RALYL: variants seen among roughly 807,000 people sequenced by gnomAD.
RALYL encodes RALY RNA binding protein like.
RALYL carries 29 observed loss-of-function variants against 35.1 expected under a neutral mutation model. The observed-to-expected ratio is 0.83, with a 90% CI of 0.61 to 1.13. The LOEUF is 1.13. Among genes scored for constraint, RALYL ranks in the 50% most tolerant of loss-of-function variants. The pLI is 0.00. For missense variants in RALYL, 359 were observed against 360.4 expected (o/e 1.00, Z 0.03); for synonymous variants, 120 against 127.6 (o/e 0.94, Z 0.40).
chr8:84,836,508 CTT>C (rs1174449973), intron 4 of RALYL, among the ~76,000 whole-genome samples: 1 of 152,138 alleles, frequency 6.6e-6, no homozygotes, highest in Non-Finnish European at 1.5e-5. Flanking sequence ...ATCAATGAAA[CTT>C]AGACTAAGTA....
At chr8:84,299,668 T>C (rs1586065952) in intron 1 of RALYL, among the ~76,000 whole-genome samples, 1 of 152,072 alleles carries the variant, frequency 6.6e-6, no homozygotes, top group Middle Eastern at 3.4e-3. Flanking sequence ...CTGATTAGAA[T>C]TTCAATTTCC....
chr8:84,561,424 C>T (rs1477080090), intron 2 of RALYL, among the ~76,000 whole-genome samples: 2 of 151,932 alleles, frequency 1.3e-5, no homozygotes. Flanking sequence ...CGGTAGTCCC[C>T]CCTATCTGTG....
At chr8:84,912,763 A>G (rs1282691829) in intron 8 of RALYL, among the ~76,000 whole-genome samples, 1 of 152,020 alleles carries the variant, frequency 6.6e-6, no homozygotes, top group African/African-American at 2.4e-5. Flanking sequence ...AAGGGGAATC[A>G]ATATTCTGTC....
intron 2 of RALYL, among the ~76,000 whole-genome samples, chr8:84,707,090 C>CAATAATT (rs1564408247): frequency 3.5e-4 from 53 of 152,112 alleles, no homozygotes; most frequent in African/African-American, 1.2e-3. Context: ...ATTTTTAGTG[C>CAATAATT]GATAATTTAT....
intron 2 of RALYL, among the ~76,000 whole-genome samples, chr8:84,597,573 G>A (rs183034443): frequency 2.3e-3 from 346 of 152,090 alleles, no homozygotes; most frequent in African/African-American, 5.1e-3. Flanking sequence ...CCCTAATGAT[G>A]TATCTAAAGT....
chr8:84,563,608 C>T (rs149707048), intron 2 of RALYL, among the ~76,000 whole-genome samples: 6 of 151,498 alleles, frequency 4.0e-5, no homozygotes, highest in East Asian at 2.0e-4. Context: ...TATAGCACAG[C>T]GAACCTAGAT....
chr8:84,397,260 A>G (rs574626926), intron 1 of RALYL, among the ~76,000 whole-genome samples: 2 of 152,322 alleles, frequency 1.3e-5, no homozygotes, highest in Non-Finnish European at 2.9e-5. Flanking sequence ...TTAGTCCTGT[A>G]AGACTCCTTT....
intron 1 of RALYL, among the ~76,000 whole-genome samples, chr8:84,431,166 C>A (rs542572809): frequency 7.9e-5 from 12 of 152,250 alleles, no homozygotes; most frequent in African/African-American, 2.9e-4. Context: ...CTTTAGCCCT[C>A]ACAACAGCCT....
chr8:84,750,201 G>A (rs1809621557), intron 2 of RALYL, among the ~76,000 whole-genome samples: 1 of 152,102 alleles, frequency 6.6e-6, no homozygotes, highest in African/African-American at 2.4e-5. Flanking sequence ...ACATAATCAG[G>A]ACCAGTTTCT....
rs562709956 is a variant in RALYL at position 84,680,484 on chromosome 8, A to G, written c.257-94095A>G. ...CCCACAACAGTTTAAAAGTGTTCCTATTTCTCCACATCCTCTCCAGCACCT... is the reference window on the plus strand; with the variant it reads ...CCCACAACAGTTTAAAAGTGTTCCTGTTTCTCCACATCCTCTCCAGCACCT... On this transcript the variant is annotated intron_variant, in intron 2 of 8. Transcript: ENST00000521268. Among the ~76,000 whole-genome samples the G allele has an allele frequency of 7.2e-5, 11 of 152,186 alleles. No individual in the cohort carries two copies. The East Asian group carries it at 2.1e-3, about 29-fold the overall frequency.
Position 84,371,503 on chromosome 8 carries a change from C to G in RALYL, c.-23-157796C>G, listed in dbSNP as rs1030646617. Among the ~76,000 whole-genome samples the G allele has an allele frequency of 2.0e-5, 3 of 149,908 alleles. No homozygotes were observed. In the Admixed American group the frequency reaches 2.0e-4, roughly 10 times the overall value. ...GAAATAATGTTTAACCTATGGAGCA[C>G]AAGTTTATTAAAAATAGGGAATAAA... is the stretch of plus-strand genomic sequence containing the variant. On this transcript the variant is annotated intron_variant, in intron 1 of 8. Coordinates refer to ENST00000521268, the MANE Select transcript of RALYL (RefSeq NM_173848.7).
chr8:84,322,747 T>C (rs1344010696), intron 1 of RALYL, among the ~76,000 whole-genome samples: 1 of 152,112 alleles, frequency 6.6e-6, no homozygotes, highest in Non-Finnish European at 1.5e-5. Context: ...TTTGCATTTT[T>C]CTCAGGTCCT....
At chr8:84,577,851 C>G (rs1196121220) in intron 2 of RALYL, among the ~76,000 whole-genome samples, 2 of 152,182 alleles carry the variant, frequency 1.3e-5, no homozygotes, top group Non-Finnish European at 2.9e-5. Flanking sequence ...CTAAGCCAAT[C>G]AAGATTTTGA....
At position 84,597,726 on chromosome 8, in the gene RALYL, G is replaced by GA. The variant is rs1236377449; in HGVS notation, c.256+68150dup. Among the ~76,000 whole-genome samples, 5 of 152,128 alleles carry GA rather than the reference G, an allele frequency of 3.3e-5. No homozygotes were observed. The East Asian group carries it at 9.7e-4, about 29-fold the overall frequency. ...ATAATATTTTGTGACACATCAAAAT[G>GA]ACAAGAAATTTAAATTTCAGTGTCC... On this transcript the variant is annotated intron_variant, in intron 2 of 8. Coordinates refer to ENST00000521268, the MANE Select transcript of RALYL (RefSeq NM_173848.7).
At chr8:84,806,100 A>G (rs1824534856) in intron 4 of RALYL, among the ~76,000 whole-genome samples, 1 of 152,196 alleles carries the variant, frequency 6.6e-6, no homozygotes, top group African/African-American at 2.4e-5. Flanking sequence ...ATGGTTCCCA[A>G]TTCCTTTCTA....
chr8:84,265,865 A>G (rs1200554858), intron 1 of RALYL, among the ~76,000 whole-genome samples: 2 of 152,150 alleles, frequency 1.3e-5, no homozygotes, highest in Non-Finnish European at 2.9e-5. Flanking sequence ...GAGATATTGC[A>G]ATATTTGAGT....
chr8:84,511,333 G>A (rs1018217455), intron 1 of RALYL, among the ~76,000 whole-genome samples: 2 of 152,166 alleles, frequency 1.3e-5, no homozygotes, highest in Non-Finnish European at 2.9e-5. Context: ...AATAGGTATA[G>A]AATTAAGTGA....
At chr8:84,826,406 C>G (rs1829719085) in intron 4 of RALYL, among the ~76,000 whole-genome samples, 1 of 151,638 alleles carries the variant, frequency 6.6e-6, no homozygotes, top group African/African-American at 2.4e-5. Context: ...TGCTGGGTAT[C>G]AGAAATAACA....
chr8:84,363,833 G>A (rs1264621185), intron 1 of RALYL, among the ~76,000 whole-genome samples: 3 of 152,084 alleles, frequency 2.0e-5, no homozygotes, highest in African/African-American at 4.8e-5. Flanking sequence ...TACACACCCC[G>A]CTGCTGCTGA....
Sources: gnomAD v4.1 joint callset for allele counts (sites outside exome capture counted in the v4.1 genomes callset) on GRCh38, gnomAD v4.1.1 for gene constraint, MANE v1.5 for transcripts, NCBI Gene and HGNC (gene_info 2026-07-23, HGNC 2026-07-21) for gene names.